PPP3CC: variants seen among roughly 807,000 people sequenced by gnomAD.
PPP3CC encodes the protein protein phosphatase 3 catalytic subunit gamma, also known as serine/threonine-protein phosphatase 2B catalytic subunit gamma isoform.
PPP3CC carries 35 observed loss-of-function variants against 60.3 expected under a neutral mutation model. The observed-to-expected ratio is 0.58, with a 90% CI of 0.44 to 0.77. The LOEUF is 0.77. Among genes scored for constraint, PPP3CC ranks in the 30% least tolerant of loss-of-function variants. PPP3CC has a pLI of 0.00. For missense variants in PPP3CC, 570 were observed against 628.9 expected, an observed-to-expected ratio of 0.91 and a Z score of 1.00; for synonymous variants, 206 against 224.3, an observed-to-expected ratio of 0.92 and a Z score of 0.73.
chr8:22,475,222 A>G (rs1586811246), intron 2 of PPP3CC, 71 bp downstream of exon 2: 1 of 1,397,062 alleles, frequency 7.2e-7, no homozygotes, highest in East Asian at 2.3e-5. Flanking sequence ...AAATAATTAC[A>G]AATAACCAGC....
intron 4 of PPP3CC, among the ~76,000 whole-genome samples, chr8:22,510,093 A>G (rs1313117446): frequency 1.3e-5 from 2 of 151,538 alleles, no homozygotes; most frequent in Non-Finnish European, 2.9e-5. Flanking sequence ...CTGAGGCAGA[A>G]GAATTGCAAG....
At chr8:22,492,838 T>C in intron 3 of PPP3CC, 1 of 998,808 alleles carries the variant, frequency 1.0e-6, no homozygotes, top group Non-Finnish European at 1.6e-6. Context: ...TGATCCACTT[T>C]AACAGCAGAG....
At chr8:22,453,436 C>T (rs1288268360) in intron 1 of PPP3CC, among the ~76,000 whole-genome samples, 1 of 152,140 alleles carries the variant, frequency 6.6e-6, no homozygotes, top group East Asian at 1.9e-4. Context: ...ACAGTTATCC[C>T]TTGGTATATG....
rs1839944353 is a variant in PPP3CC at position 22,540,866 on chromosome 8, T to C, written c.*64T>C. The C allele has an allele frequency of 1.4e-6, 2 of 1,379,924 alleles. No homozygotes were observed. Among genetic ancestry groups the C allele is most frequent in the Non-Finnish European group, 1.9e-6 (2 of 1,051,436 alleles). 85.5% of individuals were successfully genotyped at this position (1,379,924 alleles called of 1,614,324 possible). On this transcript the variant is annotated 3_prime_UTR_variant, in exon 14 of 14. Transcript: ENST00000240139. ...AAGAACAAATTCTATTTATTTATTATTGGAAAATGAAAAGCAACTCAAAAC... is the reference window on the plus strand; with the variant it reads ...AAGAACAAATTCTATTTATTTATTACTGGAAAATGAAAAGCAACTCAAAAC...
chr8:22,527,588 C>T lies in PPP3CC; in HGVS notation c.1069+71C>T, dbSNP rs929569505. 8.6e-6 allele frequency: 13 copies of T among 1,503,186 alleles called. No homozygotes were observed. In the African/African-American group the frequency reaches 1.5e-4, roughly 18 times the overall value. The allele number at this position is 1,503,186 out of a possible 1,614,324, so 93.1% of individuals were successfully genotyped here. A position where few individuals can be genotyped will look rare whatever the true frequency, so the allele number is the denominator to read the frequency against. ...GCATACCTTATATTTGCATGAGCCC[C>T]TCCATGATTCAGAAATGTTTTCTAA... On this transcript the variant is annotated intron_variant, in intron 9 of 13. Transcript: ENST00000240139.
Position 22,456,703 on chromosome 8 carries a change from A to C in PPP3CC, c.49+15245A>C, listed in dbSNP as rs114413572. On this transcript the variant is annotated intron_variant, in intron 1 of 13. Transcript: ENST00000240139. Reference sequence around the variant, plus strand: ...TACCAGCACAATAAGGGTACTCAACAGTACCGTAACCACAAGATTTAGTTA... The same window carrying C: ...TACCAGCACAATAAGGGTACTCAACCGTACCGTAACCACAAGATTTAGTTA... 5.3e-3 allele frequency among the ~76,000 whole-genome samples: 813 copies of C among 152,350 alleles called. 10 individuals are homozygous for C. Among genetic ancestry groups the C allele is most frequent in the African/African-American group, 0.019 (782 of 41,572 alleles).
At chr8:22,539,022 T>G (rs1334333100) in intron 12 of PPP3CC, among the ~76,000 whole-genome samples, 1 of 152,122 alleles carries the variant, frequency 6.6e-6, no homozygotes, top group Non-Finnish European at 1.5e-5. Flanking sequence ...GCAGTTGGAC[T>G]CCAAATAAGT....
At chr8:22,447,203 A>G (rs190999120) in intron 1 of PPP3CC, among the ~76,000 whole-genome samples, 63 of 107,192 alleles carry the variant, frequency 5.9e-4, no homozygotes, top group African/African-American at 1.9e-3. Context: ...TTTTTGTGAC[A>G]GAGTCTCGCT....
rs568079196 is a variant in PPP3CC at position 22,497,106 on chromosome 8, G to A, written c.373-895G>A. Among the ~76,000 whole-genome samples, 172 of 151,982 alleles carry A rather than the reference G, an allele frequency of 1.1e-3. 1 individual carries two copies. Among genetic ancestry groups the A allele is most frequent in the Non-Finnish European group, 2.1e-3 (143 of 67,926 alleles). On this transcript the variant is annotated intron_variant, in intron 3 of 13. Transcript: ENST00000240139. Reference sequence around the variant, plus strand: ...GTGCAGTGGCATGATCTTGGCTTATGGCAACCTCCGCTTCCCGGGTTCAAG... The same window carrying A: ...GTGCAGTGGCATGATCTTGGCTTATAGCAACCTCCGCTTCCCGGGTTCAAG...
intron 3 of PPP3CC, among the ~76,000 whole-genome samples, chr8:22,497,543 TG>T (rs1563742789): frequency 6.6e-6 from 1 of 152,170 alleles, no homozygotes; most frequent in Non-Finnish European, 1.5e-5. Context: ...TCATTGATTT[TG>T]GGGGGTTATA....
intron 12 of PPP3CC, among the ~76,000 whole-genome samples, chr8:22,534,996 T>A (rs1156308924): frequency 1.3e-5 from 2 of 152,022 alleles, no homozygotes; most frequent in Non-Finnish European, 2.9e-5. Flanking sequence ...ACATCTAGAG[T>A]GTTAGGAATG....
intron 12 of PPP3CC, 21 bp downstream of exon 12, chr8:22,533,039 C>A: frequency 2.6e-6 from 4 of 1,517,804 alleles, no homozygotes; most frequent in Non-Finnish European, 3.6e-6. Context: ...GAGTGCTCCT[C>A]CATGGAAGGT....
At chr8:22,462,022 G>T (rs1837376820) in intron 1 of PPP3CC, among the ~76,000 whole-genome samples, 1 of 152,122 alleles carries the variant, frequency 6.6e-6, no homozygotes, top group African/African-American at 2.4e-5. Flanking sequence ...ATCGCATGAG[G>T]CCAGGAGTTT....
intron 3 of PPP3CC, among the ~76,000 whole-genome samples, chr8:22,493,745 T>A (rs1414151719): frequency 6.6e-6 from 1 of 152,186 alleles, no homozygotes; most frequent in African/African-American, 2.4e-5. Flanking sequence ...GAATCCCTCC[T>A]GAAGGACCTG....
intron 3 of PPP3CC, among the ~76,000 whole-genome samples, chr8:22,476,888 C>T (rs1056559083): frequency 1.3e-5 from 2 of 149,462 alleles, no homozygotes; most frequent in Admixed American, 1.3e-4. Context: ...GCTGAGATCA[C>T]GCCTCTGCAC....
intron 3 of PPP3CC, among the ~76,000 whole-genome samples, chr8:22,495,576 T>C (rs1313284513): frequency 6.6e-6 from 1 of 151,946 alleles, no homozygotes. Context: ...ATTATTGTTA[T>C]TATTTTTGGG....
chr8:22,487,008 G>A (rs1234616333), intron 3 of PPP3CC, among the ~76,000 whole-genome samples: 1 of 152,130 alleles, frequency 6.6e-6, no homozygotes, highest in Non-Finnish European at 1.5e-5. Context: ...GGGATTACAG[G>A]CATGAGCCAC....
intron 1 of PPP3CC, among the ~76,000 whole-genome samples, chr8:22,462,153 G>A (rs2132447955): frequency 2.0e-5 from 3 of 152,164 alleles, no homozygotes; most frequent in Admixed American, 2.0e-4. Context: ...CTGAGGGGGA[G>A]GATCACTTGA....
At chr8:22,455,198 G>A (rs1837160019) in intron 1 of PPP3CC, among the ~76,000 whole-genome samples, 1 of 152,054 alleles carries the variant, frequency 6.6e-6, no homozygotes, top group African/African-American at 2.4e-5. Flanking sequence ...CTATTACATG[G>A]AGCACATTTC....
Sources: allele counts gnomAD v4.1 joint callset (sites outside exome capture counted in the v4.1 genomes callset), GRCh38; gene constraint gnomAD v4.1.1; transcripts MANE v1.5; gene names NCBI Gene and HGNC (gene_info 2026-07-23, HGNC 2026-07-21).